Variants in DNM3 observed in about 807,000 individuals in gnomAD.
DNM3 encodes dynamin-3.
A neutral mutation model predicts 101.6 loss-of-function variants in DNM3; 47 were observed. The ratio of observed to expected loss-of-function variants is 0.46; its 90% confidence interval spans 0.37 to 0.59. The LOEUF is 0.59. Ranked by LOEUF, DNM3 falls within the 20% of genes least tolerant of loss-of-function variation. The probability of loss-of-function intolerance (pLI) is 0.00; values close to 1 mark genes in which losing one functional copy is unlikely to be tolerated. For missense variants in DNM3, 849 were observed against 1,085.7 expected (o/e 0.78, Z 3.06); for synonymous variants, 385 against 387.9 (o/e 0.99, Z 0.09).
intron 11 of DNM3, among the ~76,000 whole-genome samples, chr1:172,077,220 A>G (rs777571541): frequency 9.3e-5 from 14 of 151,304 alleles, no homozygotes; most frequent in Non-Finnish European, 1.6e-4. Context: ...TTCTTTATTA[A>G]TCTGGCTAGC....
intron 14 of DNM3, among the ~76,000 whole-genome samples, chr1:172,216,628 C>T (rs567545413): frequency 6.6e-6 from 1 of 152,180 alleles, no homozygotes; most frequent in East Asian, 1.9e-4. Context: ...GTAAGTGCTT[C>T]TTTCTTATAA....
chr1:172,032,550 T>G (rs1572176328), intron 5 of DNM3, 50 bp downstream of exon 5: 3 of 1,099,658 alleles, frequency 2.7e-6, no homozygotes, highest in African/African-American at 3.9e-5. Context: ...TTTTTTTTTT[T>G]TTTTTGTTAT....
chr1:172,071,465 ACT>A (rs1281470807), intron 11 of DNM3, among the ~76,000 whole-genome samples: 2 of 151,848 alleles, frequency 1.3e-5, no homozygotes, highest in Admixed American at 1.3e-4. Context: ...TGAATTCTGG[ACT>A]CTGCTGCCTG....
intron 1 of DNM3, among the ~76,000 whole-genome samples, chr1:171,876,023 A>G (rs982985380): frequency 6.6e-6 from 1 of 151,890 alleles, no homozygotes; most frequent in African/African-American, 2.4e-5. Context: ...GTTGTCCAGG[A>G]TGGTCTCGAT....
intron 10 of DNM3, among the ~76,000 whole-genome samples, chr1:172,067,713 T>G (rs2051802285): frequency 6.6e-6 from 1 of 152,152 alleles, no homozygotes; most frequent in Non-Finnish European, 1.5e-5. Flanking sequence ...AACAACTGAA[T>G]TAAGGTATTC....
intron 2 of DNM3, among the ~76,000 whole-genome samples, chr1:171,968,190 C>G (rs1279248476): frequency 5.3e-5 from 8 of 152,186 alleles, no homozygotes; most frequent in Admixed American, 3.3e-4. Context: ...AAAGTACTTT[C>G]TCTGCTATTG....
In DNM3 at chr1:171,989,012, T is replaced by C; in HGVS notation, c.453T>C (p.Asp151=). The change falls in exon 4 of 21, where the codon GAT becomes GAC. Residue 151 remains aspartate, a synonymous_variant. Coordinates refer to ENST00000627582, the MANE Select transcript of DNM3 (RefSeq NM_015569.5). ...TKVPVGDQPP[D]IEYQIREMIM... ...TGCCTGTGGGAGATCAGCCACCAGA[T>C]ATCGAGTATCAGATCAGAGAAATGA... is the stretch of plus-strand genomic sequence containing the variant. The C allele has an allele frequency of 3.1e-6, 5 of 1,609,498 alleles. No homozygotes were observed. The highest frequency in any genetic ancestry group is 4.2e-6 in the Non-Finnish European group (5 of 1,177,670).
intron 14 of DNM3, among the ~76,000 whole-genome samples, chr1:172,201,847 C>T (rs958253157): frequency 2.0e-5 from 3 of 152,124 alleles, no homozygotes; most frequent in African/African-American, 7.2e-5. Flanking sequence ...GATATGGGAA[C>T]GGACACCCAT....
chr1:172,416,525 T>C (rs1010824846), downstream of DNM3, among the ~76,000 whole-genome samples: 1 of 152,168 alleles, frequency 6.6e-6, no homozygotes, highest in Admixed American at 6.5e-5. Context: ...GTCAGTGGAA[T>C]ATATTCCAAG....
intron 16 of DNM3, among the ~76,000 whole-genome samples, chr1:172,312,028 G>A (rs2065103911): frequency 6.6e-6 from 1 of 152,112 alleles, no homozygotes; most frequent in South Asian, 2.1e-4. Context: ...ATATTTAAAT[G>A]GCAGCTAACT....
chr1:172,221,418 GT>G (rs2060902857), intron 14 of DNM3, among the ~76,000 whole-genome samples: 1 of 151,936 alleles, frequency 6.6e-6, no homozygotes, highest in Non-Finnish European at 1.5e-5. Flanking sequence ...TAATATATAT[GT>G]TTTAATTATT....
At chr1:171,887,972 G>T (rs1312952598) in intron 1 of DNM3, among the ~76,000 whole-genome samples, 2 of 151,092 alleles carry the variant, frequency 1.3e-5, no homozygotes, top group Non-Finnish European at 2.9e-5. Flanking sequence ...AAAGGATTTT[G>T]ATTCTATTAT....
chr1:172,231,238 G>A (rs111251865), intron 14 of DNM3, among the ~76,000 whole-genome samples: 8,323 of 150,134 alleles, frequency 0.055, 284 homozygotes, highest in Middle Eastern at 0.095. Context: ...CACCTCACAC[G>A]GCCTGGTACC....
At chr1:171,868,975 G>C (rs1355828703) in intron 1 of DNM3, among the ~76,000 whole-genome samples, 1 of 152,000 alleles carries the variant, frequency 6.6e-6, no homozygotes, top group Non-Finnish European at 1.5e-5. Flanking sequence ...TAGAGACAGG[G>C]TTTCTCCATG....
At chr1:172,015,804 G>T (rs984515423) in intron 4 of DNM3, among the ~76,000 whole-genome samples, 6 of 152,090 alleles carry the variant, frequency 3.9e-5, no homozygotes, top group Non-Finnish European at 8.8e-5. Context: ...CCAGTATGAT[G>T]CTGAAAAGCA....
intron 14 of DNM3, among the ~76,000 whole-genome samples, chr1:172,200,653 T>G (rs2060120859): frequency 6.6e-6 from 1 of 152,288 alleles, no homozygotes; most frequent in Middle Eastern, 3.4e-3. Context: ...CAGAGAACCA[T>G]TCTTCAAGTT....
intron 20 of DNM3, among the ~76,000 whole-genome samples, chr1:172,398,709 G>A (rs2070222855): frequency 6.6e-6 from 1 of 152,084 alleles, no homozygotes; most frequent in Non-Finnish European, 1.5e-5. Context: ...AGCATATTTT[G>A]TGAACAATTT....
chr1:172,209,244 G>A (rs2060428667), intron 14 of DNM3, among the ~76,000 whole-genome samples: 1 of 151,954 alleles, frequency 6.6e-6, no homozygotes, highest in Non-Finnish European at 1.5e-5. Flanking sequence ...CAGCAAGAAG[G>A]TAGTTATCTG....
chr1:172,007,387 G>A (rs528958072), intron 4 of DNM3, among the ~76,000 whole-genome samples: 7 of 152,142 alleles, frequency 4.6e-5, no homozygotes, highest in South Asian at 2.1e-4. Context: ...TCATCTTAGC[G>A]GTGATGCTGA....
Sources: gnomAD v4.1 joint callset for allele counts (sites outside exome capture counted in the v4.1 genomes callset) on GRCh38, gnomAD v4.1.1 for gene constraint, MANE v1.5 for transcripts, NCBI Gene and HGNC (gene_info 2026-07-23, HGNC 2026-07-21) for gene names.